CDC14A: variants seen among roughly 807,000 people sequenced by gnomAD.
The protein encoded by CDC14A is dual specificity protein phosphatase CDC14A.
Under a neutral mutation model 74.4 loss-of-function variants are expected in CDC14A, and 53 were observed. That is an observed-to-expected ratio of 0.71 (90% confidence interval 0.57 to 0.89). The LOEUF is 0.89. CDC14A is among the 40% of genes least tolerant of loss of function. The pLI is 0.00. For synonymous variants in CDC14A, 247 were observed against 258.4 expected, an observed-to-expected ratio of 0.96 and a Z score of 0.43; for missense variants, 646 against 713.7, an observed-to-expected ratio of 0.91 and a Z score of 1.08.
chr1:100,412,421 T>C lies in CDC14A; in HGVS notation c.310-11801T>C, dbSNP rs1040054264. ...ATCCATGGTGCTTGGTACTGGTAAG[T>C]CTTTGCTGAATGAAGAAATGAATTA... On this transcript the variant is annotated intron_variant, in intron 4 of 15. Transcript: ENST00000336454. 2.0e-5 allele frequency among the ~76,000 whole-genome samples: 3 copies of C among 151,790 alleles called. 1 individual carries two copies. The South Asian group carries it at 6.2e-4, about 32-fold the overall frequency.
At position 100,508,593 on chromosome 1, in the gene CDC14A, G is replaced by C. The variant is rs948146753; in HGVS notation, c.1755+9331G>C. On this transcript the variant is annotated intron_variant, in intron 15 of 15. Coordinates refer to ENST00000336454, the MANE Select transcript of CDC14A (RefSeq NM_003672.4). This position sits in a 1 kb window ranked among gnomAD's most constrained non-coding sequence, Gnocchi z 4.4. ...TTTCAGTCTAGAAACAGACCTTAAT[G>C]ACCCAGGCTTCCATCTCTTGGTGAG... 2.0e-5 allele frequency among the ~76,000 whole-genome samples: 3 copies of C among 152,054 alleles called. No homozygotes were observed. Among genetic ancestry groups the C allele is most frequent in the African/African-American group, 7.2e-5 (3 of 41,384 alleles).
intron 4 of CDC14A, among the ~76,000 whole-genome samples, chr1:100,411,211 A>G (rs949139458): frequency 2.0e-5 from 3 of 152,142 alleles, no homozygotes; most frequent in African/African-American, 7.2e-5. Context: ...CTTTGCCTCT[A>G]CCTTCGCAGC....
intron 9 of CDC14A, among the ~76,000 whole-genome samples, chr1:100,467,341 A>G (rs775984642): frequency 6.6e-6 from 1 of 152,144 alleles, no homozygotes; most frequent in African/African-American, 2.4e-5. Context: ...AAAGCAGAAG[A>G]TTCTTGAACA....
chr1:100,440,687 A>G (rs1009980374), intron 6 of CDC14A, among the ~76,000 whole-genome samples: 5 of 152,218 alleles, frequency 3.3e-5, no homozygotes, highest in Non-Finnish European at 5.9e-5. Context: ...CCTATTGATC[A>G]TAGGACATAT....
chr1:100,434,683 G>T (rs553069902), intron 5 of CDC14A, among the ~76,000 whole-genome samples: 1 of 152,240 alleles, frequency 6.6e-6, no homozygotes. Context: ...AGTGACTGTG[G>T]GAGCTTTTAC....
chr1:100,352,866 C>T lies in CDC14A; in HGVS notation c.-89C>T. The stretch of plus-strand genomic sequence containing the variant: ...GCTTGTTGTTCGGGACTGTGAGCTT[C>T]CTGGCTCCTGGGCAGTGGGGAAGCC... On this transcript the variant is annotated 5_prime_UTR_variant, in exon 1 of 16. Coordinates refer to ENST00000336454, the MANE Select transcript of CDC14A (RefSeq NM_003672.4). 1 of 1,601,466 alleles carries T rather than the reference C, an allele frequency of 6.2e-7. No individual in the cohort carries two copies. The highest frequency in any genetic ancestry group is 8.5e-7 in the Non-Finnish European group (1 of 1,175,006).
chr1:100,361,491 T>C (rs58619835), intron 2 of CDC14A, among the ~76,000 whole-genome samples: 8,780 of 152,284 alleles, frequency 0.058, 418 homozygotes, highest in African/African-American at 0.13. Context: ...TGAGGACCAG[T>C]ACTACCTGTT....
chr1:100,500,555 C>T (rs867376652), intron 15 of CDC14A, among the ~76,000 whole-genome samples: 16 of 151,924 alleles, frequency 1.1e-4, no homozygotes, highest in South Asian at 6.2e-4. Flanking sequence ...GTCAGGAGTT[C>T]GAGACCAGCC....
chr1:100,412,017 G>A (rs1414222925), intron 4 of CDC14A, among the ~76,000 whole-genome samples: 1 of 152,200 alleles, frequency 6.6e-6, no homozygotes, highest in Non-Finnish European at 1.5e-5. Flanking sequence ...GAGGAACCAA[G>A]ACAAAGCTGC....
At chr1:100,425,417 C>T (rs1396523481) in intron 5 of CDC14A, among the ~76,000 whole-genome samples, 1 of 152,090 alleles carries the variant, frequency 6.6e-6, no homozygotes, top group African/African-American at 2.4e-5. Flanking sequence ...GCTGTAAACT[C>T]TCAGAGGGCA....
chr1:100,372,665 A>T (rs1272027409), intron 2 of CDC14A, among the ~76,000 whole-genome samples: 1 of 152,226 alleles, frequency 6.6e-6, no homozygotes, highest in Non-Finnish European at 1.5e-5. Flanking sequence ...TTTCCACCAC[A>T]TCTGCAGTTA....
intron 7 of CDC14A, among the ~76,000 whole-genome samples, chr1:100,445,767 G>C (rs1665473861): frequency 6.6e-6 from 1 of 152,152 alleles, no homozygotes; most frequent in Admixed American, 6.5e-5. Flanking sequence ...GTTTCACCTT[G>C]ACAACAACCA....
chr1:100,359,624 T>TC (rs1470377844), intron 2 of CDC14A, among the ~76,000 whole-genome samples: 2 of 152,176 alleles, frequency 1.3e-5, no homozygotes, highest in Non-Finnish European at 2.9e-5. Context: ...ATTTTGCCTT[T>TC]TTTTTCCTAT....
intron 4 of CDC14A, among the ~76,000 whole-genome samples, chr1:100,397,114 A>T (rs114039233): frequency 6.6e-6 from 1 of 151,960 alleles, no homozygotes; most frequent in Non-Finnish European, 1.5e-5. Context: ...TCTTCTTCCA[A>T]TGTGGCCCAG....
chr1:100,378,672 T>G (rs28361207), intron 3 of CDC14A, among the ~76,000 whole-genome samples: 8 of 152,306 alleles, frequency 5.3e-5, no homozygotes, highest in Non-Finnish European at 1.2e-4. Context: ...GAATCAATAA[T>G]CATATAACAT....
intron 7 of CDC14A, among the ~76,000 whole-genome samples, chr1:100,445,812 GA>G (rs1665484386): frequency 6.6e-6 from 1 of 152,206 alleles, no homozygotes; most frequent in African/African-American, 2.4e-5. Context: ...CAGTTTTGGT[GA>G]AGACTTGATG....
chr1:100,352,662 C>G lies in CDC14A; in HGVS notation c.-293C>G. 1 of 1,276,708 alleles carries G rather than the reference C, an allele frequency of 7.8e-7. No individual in the cohort carries two copies. The highest frequency in any genetic ancestry group is 9.9e-7 in the Non-Finnish European group (1 of 1,011,096). 79.1% of individuals were successfully genotyped at this position (1,276,708 alleles called of 1,614,324 possible). On this transcript the variant is annotated 5_prime_UTR_variant, in exon 1 of 16. Transcript: ENST00000336454. ...TGAGAGCTGGTCTGCGTTTCCCAGGCGCGGCGGCGGCGGAGCAGCAGCTGC... is the reference window on the plus strand; with the variant it reads ...TGAGAGCTGGTCTGCGTTTCCCAGGGGCGGCGGCGGCGGAGCAGCAGCTGC...
chr1:100,424,439 T>G, intron 5 of CDC14A, 138 bp downstream of exon 5: 1 of 645,598 alleles, frequency 1.5e-6, no homozygotes. Flanking sequence ...TAGTTTTTAT[T>G]ATTTCATTTC....
chr1:100,408,293 A>T (rs141777697), intron 4 of CDC14A, among the ~76,000 whole-genome samples: 446 of 152,350 alleles, frequency 2.9e-3, no homozygotes, highest in Non-Finnish European at 5.2e-3. Context: ...TATATGTACC[A>T]CATTTTAAAT....
Sources: gnomAD v4.1 joint callset for allele counts (sites outside exome capture counted in the v4.1 genomes callset) on GRCh38, gnomAD v4.1.1 for gene constraint, Gnocchi (gnomAD v3.1) non-coding constraint, MANE v1.5 for transcripts, NCBI Gene and HGNC (gene_info 2026-07-23, HGNC 2026-07-21) for gene names.